LGALS8: variants seen among roughly 807,000 people sequenced by gnomAD.
LGALS8 encodes galectin-8.
In LGALS8, 30 loss-of-function variants were observed where a neutral mutation model predicts 35.9. The observed-to-expected ratio is 0.83, with a 90% CI of 0.62 to 1.13. The LOEUF is 1.13. Among genes scored for constraint, LGALS8 ranks in the 50% most tolerant of loss-of-function variants. The pLI is 0.00. For synonymous variants in LGALS8, 138 were observed against 136.1 expected (o/e 1.01, Z -0.10); for missense variants, 366 against 388.7 (o/e 0.94, Z 0.49).
chr1:236,518,281 G>A (rs17753447), exon 1 of LGALS8: 22,685 of 152,058 alleles, frequency 0.15, 1,825 homozygotes, highest in Middle Eastern at 0.21. Flanking sequence ...GTAGAACTTC[G>A]GAGGTAAGCC....
At position 236,551,183 on chromosome 1, in the gene LGALS8, T is replaced by C. The variant is rs1443162530; in HGVS notation, c.*3022T>C. The C allele has an allele frequency of 5.5e-6, 3 of 545,938 alleles. No individual in the cohort carries two copies. The highest frequency in any genetic ancestry group is 9.6e-6 in the Non-Finnish European group (3 of 312,418). 33.8% of individuals were successfully genotyped at this position (545,938 alleles called of 1,614,324 possible). A position where few individuals can be genotyped will look rare whatever the true frequency, so the allele number is the denominator to read the frequency against. ...CACCGCTCCTTCCGCCTTCATTCCTTGCCCACAGGCTTGCACTGGAAGCTG... is the reference window on the plus strand; with the variant it reads ...CACCGCTCCTTCCGCCTTCATTCCTCGCCCACAGGCTTGCACTGGAAGCTG... On this transcript the variant is annotated 3_prime_UTR_variant, in exon 10 of 10. Transcript: ENST00000366584.
At chr1:236,534,250 CCA>C (rs1558159249) in intron 2 of LGALS8, among the ~76,000 whole-genome samples, 1 of 152,152 alleles carries the variant, frequency 6.6e-6, no homozygotes, top group African/African-American at 2.4e-5. Flanking sequence ...CATTTTCACT[CCA>C]TGTTTCCTGG....
In LGALS8 at chr1:236,524,003, G is replaced by A. The variant is rs551507261; in HGVS notation, c.-162G>A. 127 of 403,772 alleles carry A rather than the reference G, an allele frequency of 3.1e-4. No individual in the cohort carries two copies. The highest frequency in any genetic ancestry group is 6.0e-5 in the Non-Finnish European group (12 of 199,188). The allele number at this position is 403,772 out of a possible 1,614,324, so 25.0% of individuals were successfully genotyped here. A position where few individuals can be genotyped will look rare whatever the true frequency, so the allele number is the denominator to read the frequency against. On this transcript the variant is annotated 5_prime_UTR_variant, in exon 1 of 10. Transcript: ENST00000366584. Reference sequence around the variant, plus strand: ...GGACGCCAGAGCCGGGAACCCTGACGGCACTTAGCTGCTGACAAACAACCT... The same window carrying A: ...GGACGCCAGAGCCGGGAACCCTGACAGCACTTAGCTGCTGACAAACAACCT...
chr1:236,539,159 T>C, intron 4 of LGALS8, 70 bp downstream of exon 4: 1 of 1,229,312 alleles, frequency 8.1e-7, no homozygotes, highest in Non-Finnish European at 1.2e-6. Context: ...CTTTTCACAT[T>C]TGTGAGCCCA....
At position 236,529,943 on chromosome 1, in the gene LGALS8, G is replaced by A. The variant is rs190848338; in HGVS notation, c.45+3828G>A. 1.8e-4 allele frequency among the ~76,000 whole-genome samples: 27 copies of A among 152,314 alleles called. No homozygotes were observed. The East Asian group carries it at 1.9e-3, about 11-fold the overall frequency. Reference sequence around the variant, plus strand: ...GCTAGGATTATAGGCGTGAACCACCGTGGCTGGCCACTTACTTTTCTTTCT... The same window carrying A: ...GCTAGGATTATAGGCGTGAACCACCATGGCTGGCCACTTACTTTTCTTTCT... On this transcript the variant is annotated intron_variant, in intron 2 of 9. Transcript: ENST00000366584.
At chr1:236,530,281 T>C (rs2103074055) in intron 2 of LGALS8, among the ~76,000 whole-genome samples, 1 of 152,318 alleles carries the variant, frequency 6.6e-6, no homozygotes, top group South Asian at 2.1e-4. Flanking sequence ...TTTTTTACCT[T>C]ACAATTTAGT....
At chr1:236,547,969 A>G in intron 9 of LGALS8, 43 bp from the exon 10 acceptor site, 1 of 1,563,654 alleles carries the variant, frequency 6.4e-7, no homozygotes. Context: ...ACAAAATTTT[A>G]AACTAAGGGG....
In LGALS8 at chr1:236,552,286, G is replaced by A. The variant is rs1011593743; in HGVS notation, c.*4125G>A. On this transcript the variant is annotated 3_prime_UTR_variant, in exon 10 of 10. Coordinates refer to ENST00000366584, the MANE Select transcript of LGALS8 (RefSeq NM_201544.4). Reference sequence around the variant, plus strand: ...ATACCAGTTTCACCATTTGGGAGCTGTTTGTAATATGTGCAACCTTATAAA... The same window carrying A: ...ATACCAGTTTCACCATTTGGGAGCTATTTGTAATATGTGCAACCTTATAAA... 3 of 486,250 alleles carry A rather than the reference G, an allele frequency of 6.2e-6. No individual in the cohort carries two copies. Among genetic ancestry groups the A allele is most frequent in the Non-Finnish European group, 1.1e-5 (3 of 276,104 alleles). 30.1% of individuals were successfully genotyped at this position (486,250 alleles called of 1,614,324 possible).
At chr1:236,539,912 A>G (rs1661856475) in intron 4 of LGALS8, among the ~76,000 whole-genome samples, 1 of 152,078 alleles carries the variant, frequency 6.6e-6, no homozygotes, top group Admixed American at 6.5e-5. Context: ...GTCAGAGACT[A>G]TATTGTATGC....
intron 2 of LGALS8, among the ~76,000 whole-genome samples, chr1:236,531,361 T>C (rs1053764063): frequency 6.6e-6 from 1 of 152,214 alleles, no homozygotes; most frequent in African/African-American, 2.4e-5. Context: ...TCTTGCTCTG[T>C]CGCCCAGGCT....
Position 236,550,803 on chromosome 1 carries a change from AT to A in LGALS8, c.*2644del, listed in dbSNP as rs1356075156. On this transcript the variant is annotated 3_prime_UTR_variant, in exon 10 of 10. Transcript: ENST00000366584. ...ATTTGTAAGTAATCCAAGTAGGTGT[AT>A]TAAGGCACCAAAAGTAACATGGCAC... is the stretch of plus-strand genomic sequence containing the variant. 1 of 867,888 alleles carries A rather than the reference AT, an allele frequency of 1.2e-6. No homozygotes were observed. Among genetic ancestry groups the A allele is most frequent in the African/African-American group, 1.7e-5 (1 of 59,016 alleles). The allele number at this position is 867,888 out of a possible 1,614,324, so 53.8% of individuals were successfully genotyped here.
Position 236,551,004 on chromosome 1 carries a change from A to AAT in LGALS8, c.*2844_*2845insTA. On this transcript the variant is annotated 3_prime_UTR_variant, in exon 10 of 10. Coordinates refer to ENST00000366584, the MANE Select transcript of LGALS8 (RefSeq NM_201544.4). The stretch of plus-strand genomic sequence containing the variant: ...CTTCACATTCATCTAAAAAAAAAAA[A>AAT]AAAAAATCAAAATTAAAATCTGAGT... 1.9e-6 allele frequency: 3 copies of AAT among 1,559,612 alleles called. No individual in the cohort carries two copies. The highest frequency in any genetic ancestry group is 2.6e-6 in the Non-Finnish European group (3 of 1,151,038).
chr1:236,518,365 G>A (rs150239248), intron 1 of LGALS8: 9 of 152,262 alleles, frequency 5.9e-5, no homozygotes, highest in African/African-American at 1.7e-4. Context: ...GCTAGTATTG[G>A]GGTGTAGGGG....
rs1661622485 is a variant in LGALS8 at position 236,537,565 on chromosome 1, T to C, written c.114T>C (p.His38=). Residue 38 remains histidine (H), a synonymous_variant, in exon 3 of 10, where the codon CAT becomes CAC. Coordinates refer to ENST00000366584, the MANE Select transcript of LGALS8 (RefSeq NM_201544.4). ...GAACTTTGATTGTGATACGTGGGCATGTTCCTAGTGACGCAGACAGGTAAA... is the reference window on the plus strand; with the variant it reads ...GAACTTTGATTGTGATACGTGGGCACGTTCCTAGTGACGCAGACAGGTAAA... ...DPGTLIVIRG[H]VPSDADRFQV... 1.2e-6 allele frequency: 2 copies of C among 1,602,974 alleles called. No individual in the cohort carries two copies. The highest frequency in any genetic ancestry group is 8.6e-7 in the Non-Finnish European group (1 of 1,169,514).
rs56115130 is a variant in LGALS8 at position 236,549,689 on chromosome 1, A to C, written c.*1528A>C. Reference sequence around the variant, plus strand: ...AGGCAAGAAGACTCGAGAATCCCCCAGAGTTATTTTTCTCCATAAAGACCA... The same window carrying C: ...AGGCAAGAAGACTCGAGAATCCCCCCGAGTTATTTTTCTCCATAAAGACCA... On this transcript the variant is annotated 3_prime_UTR_variant, in exon 10 of 10. Transcript: ENST00000366584. 8,632 of 152,258 alleles carry C rather than the reference A, an allele frequency of 0.057. 410 individuals are homozygous for C. The highest frequency in any genetic ancestry group is 0.21 in the East Asian group (1,105 of 5,172). The allele number at this position is 152,258 out of a possible 1,614,324, so 9.4% of individuals were successfully genotyped here.
intron 2 of LGALS8, among the ~76,000 whole-genome samples, chr1:236,527,064 C>T (rs1055253641): frequency 1.6e-4 from 24 of 152,050 alleles, no homozygotes; most frequent in African/African-American, 5.3e-4. Context: ...GATGACTTTG[C>T]GCATGTTAGA....
rs55866014 is a variant in LGALS8 at position 236,550,992 on chromosome 1, TAA to T, written c.*2848_*2849del. ...GATGTTCTACTTCTTCACATTCATC[TAA>T]AAAAAAAAAAAAAAAATCAAAATTA... On this transcript the variant is annotated 3_prime_UTR_variant, in exon 10 of 10. Transcript: ENST00000366584. 10,506 of 1,239,696 alleles carry T rather than the reference TAA, an allele frequency of 8.5e-3. No individual in the cohort carries two copies. The highest frequency in any genetic ancestry group is 0.018 in the South Asian group (1,121 of 63,604). 76.8% of individuals were successfully genotyped at this position (1,239,696 alleles called of 1,614,324 possible). A position where few individuals can be genotyped will look rare whatever the true frequency, so the allele number is the denominator to read the frequency against.
At position 236,541,701 on chromosome 1, in the gene LGALS8, T is replaced by C. The variant is rs1458612254; in HGVS notation, c.513T>C (p.Ser171=). ...QASSLELTEI[S]RENVPKSGTP... Reference sequence around the variant, plus strand: ...CTAGTCTGGAACTGACAGAGATAAGTAGAGAAAATGTAAATATTAAATCTT... The same window carrying C: ...CTAGTCTGGAACTGACAGAGATAAGCAGAGAAAATGTAAATATTAAATCTT... The change falls in exon 6 of 10, where the codon AGT becomes AGC. Residue 171 remains serine, a synonymous_variant. Coordinates refer to ENST00000366584, the MANE Select transcript of LGALS8 (RefSeq NM_201544.4). 11 of 1,498,796 alleles carry C rather than the reference T, an allele frequency of 7.3e-6. No individual in the cohort carries two copies. The highest frequency in any genetic ancestry group is 8.2e-6 in the Non-Finnish European group (9 of 1,100,250). The allele number at this position is 1,498,796 out of a possible 1,614,324, so 92.8% of individuals were successfully genotyped here.
At chr1:236,542,986 T>C (rs775851946) in intron 7 of LGALS8, 199 bp downstream of exon 7, 1 of 1,614,222 alleles carries the variant, frequency 6.2e-7, no homozygotes, top group Non-Finnish European at 8.5e-7. Flanking sequence ...AAGATTCGAC[T>C]GTCAATCACA....
Sources: allele counts gnomAD v4.1 joint callset (sites outside exome capture counted in the v4.1 genomes callset), GRCh38; gene constraint gnomAD v4.1.1; transcripts MANE v1.5; gene names NCBI Gene and HGNC (gene_info 2026-07-23, HGNC 2026-07-21).